Variants in ABCC5 observed in about 807,000 individuals in gnomAD.
ABCC5 encodes the protein ATP-binding cassette sub-family C member 5.
ABCC5 carries 61 observed loss-of-function variants against 160.9 expected under a neutral mutation model. The observed-to-expected ratio is 0.38, with a 90% CI of 0.31 to 0.47. The LOEUF (loss-of-function observed/expected upper bound fraction) is 0.47. Among genes scored for constraint, ABCC5 ranks in the 20% least tolerant of loss-of-function variants. The pLI is 0.99. For synonymous variants in ABCC5, 666 were observed against 700.6 expected, an observed-to-expected ratio of 0.95 and a Z score of 0.78; for missense variants, 1,308 against 1,813.3, an observed-to-expected ratio of 0.72 and a Z score of 5.06.
chr3:184,014,235 G>GT (rs748468385), intron 2 of ABCC5, 29 bp downstream of exon 2: 15 of 1,599,826 alleles, frequency 9.4e-6, no homozygotes, highest in Non-Finnish European at 1.3e-5. Flanking sequence ...CAACAAGCAG[G>GT]TAAGAGACTC....
intron 2 of ABCC5, among the ~76,000 whole-genome samples, chr3:184,013,541 A>C (rs1027711945): frequency 1.3e-5 from 2 of 152,192 alleles, no homozygotes; most frequent in Non-Finnish European, 2.9e-5. Flanking sequence ...AGCATGAGCC[A>C]CTGTGCCTGG....
intron 5 of ABCC5, chr3:183,983,474 A>G (rs1055536381): frequency 2.8e-5 from 5 of 176,630 alleles, no homozygotes. Context: ...TTTGCAAAAC[A>G]TTCCTGAAAA....
intron 22 of ABCC5, 96 bp from the exon 23 acceptor site, chr3:183,947,606 T>C (rs1367147407): frequency 1.0e-6 from 1 of 979,784 alleles, no homozygotes; most frequent in African/African-American, 1.7e-5. Context: ...GGGCACGTAT[T>C]TAAATACTTC....
chr3:184,006,109 A>C (rs1721178515), intron 2 of ABCC5, among the ~76,000 whole-genome samples: 1 of 152,094 alleles, frequency 6.6e-6, no homozygotes, highest in Non-Finnish European at 1.5e-5. Flanking sequence ...GCGAGCTGTC[A>C]ATGCAGTTAC....
intron 16 of ABCC5, 78 bp downstream of exon 16, chr3:183,961,433 G>C: frequency 6.5e-7 from 1 of 1,536,842 alleles, no homozygotes; most frequent in Non-Finnish European, 8.8e-7. Context: ...TTCAGCTGAG[G>C]TCTCTCCATC....
chr3:183,954,335 G>C (rs1376258657), intron 17 of ABCC5, among the ~76,000 whole-genome samples: 1 of 152,128 alleles, frequency 6.6e-6, no homozygotes, highest in Admixed American at 6.5e-5. Flanking sequence ...TTTTAGTAGA[G>C]ACGAGGTTTC....
intron 26 of ABCC5, among the ~76,000 whole-genome samples, chr3:183,934,562 C>T (rs1166900868): frequency 1.3e-5 from 2 of 152,222 alleles, no homozygotes; most frequent in Non-Finnish European, 2.9e-5. Flanking sequence ...AGCCACAAAG[C>T]AGTCAACATT....
intron 5 of ABCC5, chr3:183,985,290 A>T: frequency 6.2e-7 from 1 of 1,611,192 alleles, no homozygotes; most frequent in Non-Finnish European, 8.5e-7. Flanking sequence ...CCCAGTGAAT[A>T]AACATTACCT....
chr3:183,990,561 A>T (rs1719671260), intron 2 of ABCC5, among the ~76,000 whole-genome samples: 1 of 152,164 alleles, frequency 6.6e-6, no homozygotes, highest in African/African-American at 2.4e-5. Context: ...CATCAGCCCC[A>T]ATTAAACAGC....
chr3:183,970,177 C>A (rs551944389), intron 11 of ABCC5, among the ~76,000 whole-genome samples: 1 of 152,304 alleles, frequency 6.6e-6, no homozygotes, highest in Non-Finnish European at 1.5e-5. Flanking sequence ...GCAGGCACCA[C>A]CTCTGCCCTT....
chr3:183,968,504 T>C (rs1178896468), intron 11 of ABCC5, among the ~76,000 whole-genome samples: 1 of 152,150 alleles, frequency 6.6e-6, no homozygotes, highest in Non-Finnish European at 1.5e-5. Flanking sequence ...CCAGGGTGTA[T>C]ACATAATTAA....
intron 29 of ABCC5, among the ~76,000 whole-genome samples, chr3:183,922,017 C>T (rs114976217): frequency 0.031 from 4,699 of 150,382 alleles, 257 homozygotes; most frequent in African/African-American, 0.11. Context: ...GGCGACACAA[C>T]GAGACTCTGC....
At chr3:183,957,491 G>T (rs1391408864) in intron 17 of ABCC5, among the ~76,000 whole-genome samples, 1 of 144,846 alleles carries the variant, frequency 6.9e-6, no homozygotes, top group Non-Finnish European at 1.5e-5. Flanking sequence ...GTTACATGCG[G>T]ATCCGTGTGT....
intron 23 of ABCC5, 77 bp downstream of exon 23, chr3:183,947,247 C>A (rs753406121): frequency 1.4e-6 from 2 of 1,410,680 alleles, no homozygotes; most frequent in Admixed American, 2.6e-5. Flanking sequence ...TGGAGCCCCC[C>A]ACAATCATCC....
intron 9 of ABCC5, 62 bp downstream of exon 9, chr3:183,978,441 G>A: frequency 1.3e-6 from 2 of 1,570,708 alleles, no homozygotes; most frequent in Non-Finnish European, 1.7e-6. Context: ...TGATTTTCCT[G>A]CCTCAGCCTC....
intron 29 of ABCC5, among the ~76,000 whole-genome samples, chr3:183,924,115 G>A (rs1225141459): frequency 2.7e-5 from 4 of 150,784 alleles, no homozygotes; most frequent in Non-Finnish European, 5.9e-5. Flanking sequence ...GCCTCCCAGG[G>A]TTAAATGATC....
Position 183,963,352 on chromosome 3 carries a change from C to CA in ABCC5, c.2235+32dup. 6.2e-7 allele frequency: 1 copy of CA among 1,611,404 alleles called. No homozygotes were observed. The highest frequency in any genetic ancestry group is 8.5e-7 in the Non-Finnish European group (1 of 1,177,498). ...CTCCCTGTTTCTGATTTCCCAAACT[C>CA]AGGCAGGCAGCCGAGGGAAGAAAGA... is the stretch of plus-strand genomic sequence containing the variant. On this transcript the variant is annotated intron_variant, in intron 15 of 29. Transcript: ENST00000334444. The surrounding 1 kb of genome is among the most constrained non-coding windows in gnomAD (Gnocchi z 4.6).
At chr3:183,994,354 C>A (rs1720061170) in intron 2 of ABCC5, among the ~76,000 whole-genome samples, 1 of 148,792 alleles carries the variant, frequency 6.7e-6, no homozygotes, top group South Asian at 2.1e-4. Context: ...TCCCCACATC[C>A]TCACCAGTGC....
rs151064585 is a variant in ABCC5 at position 183,988,452 on chromosome 3, C to A, written c.443+120G>T. On this transcript the variant is annotated intron_variant, in intron 4 of 29. Transcript: ENST00000334444. The surrounding 1 kb of genome is among the most constrained non-coding windows in gnomAD (Gnocchi z 4.4). Reference sequence around the variant, plus strand: ...AGCAAAGAGAAAGTCATCCCCAGGCCGCCCGCCCTCCACTGGACAGCTCGG... The same window carrying A: ...AGCAAAGAGAAAGTCATCCCCAGGCAGCCCGCCCTCCACTGGACAGCTCGG... 2.2e-5 allele frequency: 28 copies of A among 1,266,014 alleles called. No homozygotes were observed. In the African/African-American group the frequency reaches 4.2e-4, roughly 19 times the overall value. 78.4% of individuals were successfully genotyped at this position (1,266,014 alleles called of 1,614,324 possible). A position where few individuals can be genotyped will look rare whatever the true frequency, so the allele number is the denominator to read the frequency against.
Sources: gnomAD v4.1 joint callset for allele counts (sites outside exome capture counted in the v4.1 genomes callset) on GRCh38, gnomAD v4.1.1 for gene constraint, Gnocchi (gnomAD v3.1) non-coding constraint, MANE v1.5 for transcripts, NCBI Gene and HGNC (gene_info 2026-07-23, HGNC 2026-07-21) for gene names.